Variants in PLEKHG5 observed in about 807,000 individuals in gnomAD.
The protein encoded by PLEKHG5 is pleckstrin homology domain-containing family G member 5.
PLEKHG5 carries 52 observed loss-of-function variants against 103.8 expected under a neutral mutation model. The observed-to-expected ratio is 0.50, with a 90% CI of 0.40 to 0.63. The LOEUF (loss-of-function observed/expected upper bound fraction) is 0.63, where lower values mean the gene tolerates loss of function less well. Among genes scored for constraint, PLEKHG5 ranks in the 30% least tolerant of loss-of-function variants. The pLI, the probability that PLEKHG5 is intolerant of heterozygous loss-of-function variation, is 0.00. For missense variants in PLEKHG5, 1,205 were observed against 1,347.6 expected, an observed-to-expected ratio of 0.89 and a Z score of 1.66; for synonymous variants, 592 against 575.5, an observed-to-expected ratio of 1.03 and a Z score of -0.41.
In PLEKHG5 at chr1:6,486,968, A is replaced by G. The variant is rs983532518; in HGVS notation, c.-88+4669T>C. On this transcript the variant is annotated intron_variant, in intron 1 of 20. Transcript: ENST00000377728. The surrounding 1 kb of genome is among the most constrained non-coding windows in gnomAD (Gnocchi z 5.3). ...CTCCTCCACCTGGTTCCATGGGGAA[A>G]GAGGGTGGGAAGGGGGCCAGGGTCC... Among the ~76,000 whole-genome samples, 1 of 152,134 alleles carries G rather than the reference A, an allele frequency of 6.6e-6. No individual in the cohort carries two copies. The highest frequency in any genetic ancestry group is 6.5e-5 in the Admixed American group (1 of 15,268).
intron 1 of PLEKHG5, among the ~76,000 whole-genome samples, chr1:6,510,106 C>A (rs963719146): frequency 6.6e-6 from 1 of 152,182 alleles, no homozygotes; most frequent in African/African-American, 2.4e-5. Flanking sequence ...TCTAGCTACC[C>A]GGCTCTCATG....
intron 2 of PLEKHG5, among the ~76,000 whole-genome samples, chr1:6,476,512 C>T (rs750665785): frequency 5.9e-5 from 9 of 152,086 alleles, no homozygotes; most frequent in Non-Finnish European, 1.0e-4. Flanking sequence ...GCTGTCTATC[C>T]CCACAGACCC....
Position 6,471,791 on chromosome 1 carries a change from G to A in PLEKHG5, c.1098C>T (p.Leu366=). 1 of 1,610,112 alleles carries A rather than the reference G, an allele frequency of 6.2e-7. No individual in the cohort carries two copies. Among genetic ancestry groups the A allele is most frequent in the Non-Finnish European group, 8.5e-7 (1 of 1,178,466 alleles). The change falls in exon 11 of 21, where the codon CTC becomes CTT. Residue 366 remains leucine, a synonymous_variant. Coordinates refer to ENST00000377728, the MANE Select transcript of PLEKHG5 (RefSeq NM_020631.6). ...GCAGCCCTGACTCTTGCAGGTTCAG[G>A]AGGCAGCACAGGAACAGCTGTGGGA... ...RVIINLFLCC[L]LNLQESGLLC...
intron 1 of PLEKHG5, among the ~76,000 whole-genome samples, chr1:6,516,866 G>GTATATA (rs1181957258): frequency 2.0e-3 from 52 of 25,870 alleles, no homozygotes; most frequent in African/African-American, 3.2e-3. Context: ...GTATATATGT[G>GTATATA]TATATATATA....
chr1:6,469,326 T>C lies in PLEKHG5; in HGVS notation c.2049+9A>G, dbSNP rs368743607. The C allele has an allele frequency of 3.7e-6, 6 of 1,613,530 alleles. No homozygotes were observed. The African/African-American group carries it at 8.0e-5, about 22-fold the overall frequency. ...TGCCTTGCCCACCCACTCACTACTC[T>C]GCACTCACCTGGGCATTGTAAATGG... On this transcript the variant is annotated intron_variant, in intron 18 of 20. Coordinates refer to ENST00000377728, the MANE Select transcript of PLEKHG5 (RefSeq NM_020631.6).
intron 5 of PLEKHG5, 26 bp from the exon 6 acceptor site, chr1:6,474,613 T>G (rs774061742): frequency 3.1e-6 from 5 of 1,612,382 alleles, no homozygotes; most frequent in Non-Finnish European, 4.2e-6. Flanking sequence ...GAGGCATGTG[T>G]GTTAGAACCA....
upstream of PLEKHG5, chr1:6,497,159 G>T: frequency 1.0e-6 from 1 of 964,502 alleles, no homozygotes; most frequent in Non-Finnish European, 1.6e-6. The surrounding 1 kb of genome is among the most constrained non-coding windows in gnomAD (Gnocchi z 6.1). Flanking sequence ...GTGCTGCCGA[G>T]GCAGGCCCCG....
In PLEKHG5 at chr1:6,469,128, CTCCTCCTCCTCCTCCTCCTCT is replaced by C. The variant is rs1557736840; in HGVS notation, c.2142_2162del (p.Glu717_Glu723del). The C allele has an allele frequency of 6.5e-7, 1 of 1,527,408 alleles. No individual in the cohort carries two copies. The allele number at this position is 1,527,408 out of a possible 1,614,324, so 94.6% of individuals were successfully genotyped here. A position where few individuals can be genotyped will look rare whatever the true frequency, so the allele number is the denominator to read the frequency against. ...AAGTGCCACTGTCCTCGCCTTCCTC[CTCCTCCTCCTCCTCCTCCTCT>C]TCCTCCTCCTGCTCATCCTCCTCCT... On this transcript the variant is annotated inframe_deletion, in exon 19 of 21. Coordinates refer to ENST00000377728, the MANE Select transcript of PLEKHG5 (RefSeq NM_020631.6).
At chr1:6,507,497 C>G (rs562648813) in intron 1 of PLEKHG5, among the ~76,000 whole-genome samples, 23 of 152,352 alleles carry the variant, frequency 1.5e-4, no homozygotes, top group Admixed American at 2.6e-4. Context: ...TGTGCCCCCC[C>G]AGCCTGCCAG....
At position 6,471,136 on chromosome 1, in the gene PLEKHG5, C is replaced by T. The variant is rs374893839; in HGVS notation, c.1282-36G>A. On this transcript the variant is annotated intron_variant, in intron 12 of 20. Transcript: ENST00000377728. ...GCAGAACAACCACGGCGCCGGTTAC[C>T]GCGCGCTCCCTGCGGGCCGGCCCGC... The T allele has an allele frequency of 1.0e-3, 1,561 of 1,508,730 alleles. 7 individuals are homozygous for T. The Middle Eastern group carries it at 0.01, about 10-fold the overall frequency. The allele number at this position is 1,508,730 out of a possible 1,614,324, so 93.5% of individuals were successfully genotyped here. A position where few individuals can be genotyped will look rare whatever the true frequency, so the allele number is the denominator to read the frequency against.
intron 6 of PLEKHG5, 93 bp downstream of exon 6, chr1:6,474,358 A>C: frequency 6.9e-7 from 1 of 1,452,868 alleles, no homozygotes; most frequent in South Asian, 1.2e-5. Context: ...GCTCAGGCCC[A>C]CGACCAATGG....
chr1:6,496,474 G>A, upstream of PLEKHG5: 5 of 1,592,194 alleles, frequency 3.1e-6, no homozygotes, highest in Non-Finnish European at 4.3e-6. Flanking sequence ...AGGGTCCCCA[G>A]GCTCTCCAGC....
chr1:6,508,210 CGG>C (rs989866148), intron 1 of PLEKHG5, among the ~76,000 whole-genome samples: 1 of 152,120 alleles, frequency 6.6e-6, no homozygotes, highest in African/African-American at 2.4e-5. Flanking sequence ...GCATCCATTT[CGG>C]GCTCGGAGGC....
At chr1:6,478,363 T>G (rs1012789697) in intron 1 of PLEKHG5, among the ~76,000 whole-genome samples, 1 of 152,066 alleles carries the variant, frequency 6.6e-6, no homozygotes, top group Non-Finnish European at 1.5e-5. Flanking sequence ...GAGACGGGGT[T>G]TCACCATGTT....
chr1:6,514,632 G>T (rs1638565436), intron 1 of PLEKHG5, among the ~76,000 whole-genome samples: 1 of 151,270 alleles, frequency 6.6e-6, no homozygotes, highest in Non-Finnish European at 1.5e-5. Flanking sequence ...ATGGTGGCAG[G>T]TGCCTGTAAT....
chr1:6,510,760 G>T (rs7538401), intron 1 of PLEKHG5, among the ~76,000 whole-genome samples: 1 of 152,100 alleles, frequency 6.6e-6, no homozygotes, highest in African/African-American at 2.4e-5. Flanking sequence ...TGAACAGGGC[G>T]TGGTGCGGGC....
rs1644435119 is a variant in PLEKHG5, at chr1:6,467,910, C to A, written c.2926G>T (p.Val976Phe). The A allele has an allele frequency of 6.2e-7, 1 of 1,603,828 alleles. No homozygotes were observed. The highest frequency in any genetic ancestry group is 1.1e-5 in the South Asian group (1 of 89,678). ...GTCAGCTTCCTGTGCTGGGCAGAGA[C>A]CCCTGGTGGGGGCTCAGGCTGGACC... Reference protein sequence around the residue: ...PRVQPEPPPGVSAQHRKLTLA... With the variant: ...PRVQPEPPPGFSAQHRKLTLA... Residue 976 changes from valine (V) to phenylalanine (F), a missense_variant, in exon 20 of 21, where the codon GTC becomes TTC. Physicochemically the swap from Val to Phe is conservative, Grantham distance 50. Coordinates refer to ENST00000377728, the MANE Select transcript of PLEKHG5 (RefSeq NM_020631.6).
Position 6,475,985 on chromosome 1 carries a change from C to G in PLEKHG5, c.95G>C (p.Ser32Thr), listed in dbSNP as rs763262703. 2 of 1,613,842 alleles carry G rather than the reference C, an allele frequency of 1.2e-6. No individual in the cohort carries two copies. Among genetic ancestry groups the G allele is most frequent in the African/African-American group, 2.7e-5 (2 of 74,950 alleles). The change falls in exon 3 of 21, where the codon AGC becomes ACC. Residue 32 changes from serine to threonine, a missense_variant. By Grantham distance (58) the Ser-to-Thr change is moderately conservative. Coordinates refer to ENST00000377728, the MANE Select transcript of PLEKHG5 (RefSeq NM_020631.6). ...VSTRSCPPRT[S>T]PAVDLEEEEE... ...CTCCTCCTCCAAGTCCACTGCGGGGCTGGTGCGCGGCGGGCATGACCGGGT... is the reference window on the plus strand; with the variant it reads ...CTCCTCCTCCAAGTCCACTGCGGGGGTGGTGCGCGGCGGGCATGACCGGGT...
chr1:6,480,873 T>C (rs577034356), intron 1 of PLEKHG5, among the ~76,000 whole-genome samples: 1 of 152,140 alleles, frequency 6.6e-6, no homozygotes, highest in Non-Finnish European at 1.5e-5. Context: ...ACTCCTGGGC[T>C]CAACTGATCC....
Sources: allele counts gnomAD v4.1 joint callset (sites outside exome capture counted in the v4.1 genomes callset), GRCh38; gene constraint gnomAD v4.1.1; non-coding constraint Gnocchi (gnomAD v3.1); transcripts MANE v1.5; gene names NCBI Gene and HGNC (gene_info 2026-07-23, HGNC 2026-07-21).